Variants in ANP32E observed in about 807,000 individuals in gnomAD.
ANP32E encodes acidic nuclear phosphoprotein 32 family member E, also known as acidic leucine-rich nuclear phosphoprotein 32 family member E.
In ANP32E, 14 loss-of-function variants were observed where a neutral mutation model predicts 35.3. The observed-to-expected ratio is 0.40, with a 90% CI of 0.26 to 0.62. ANP32E has a LOEUF of 0.62. Among genes scored for constraint, ANP32E ranks in the 20% least tolerant of loss-of-function variants. ANP32E has a pLI of 0.45. For synonymous variants in ANP32E, 89 were observed against 110.4 expected (o/e 0.81, Z 1.22); for missense variants, 198 against 304.4 (o/e 0.65, Z 2.60).
chr1:150,230,457 A>T, intron 3 of ANP32E, 114 bp downstream of exon 3: 1 of 1,065,402 alleles, frequency 9.4e-7, no homozygotes, highest in South Asian at 2.3e-5. Context: ...CCTAGATCAC[A>T]ACATACAAAA....
At chr1:150,232,722 C>T (rs587747314) in intron 1 of ANP32E, among the ~76,000 whole-genome samples, 71 of 152,166 alleles carry the variant, frequency 4.7e-4, no homozygotes, top group Admixed American at 4.2e-3. Flanking sequence ...ATTCGCCCCC[C>T]TCAGCCTCCC....
At chr1:150,221,533 A>AAGGG (rs1293280396) in intron 6 of ANP32E, among the ~76,000 whole-genome samples, 4 of 33,536 alleles carry the variant, frequency 1.2e-4, no homozygotes, top group Admixed American at 5.7e-4. Flanking sequence ...GAGTGGGAGG[A>AAGGG]AGGGAGGGAG....
At chr1:150,223,155 T>A (rs1553838609) in intron 6 of ANP32E, 31 bp downstream of exon 6, 1 of 1,476,972 alleles carries the variant, frequency 6.8e-7, no homozygotes, top group East Asian at 2.5e-5. Flanking sequence ...GTCTTTAATT[T>A]TATAATTTGT....
chr1:150,234,659 G>A (rs1572036231), intron 1 of ANP32E: 2 of 985,396 alleles, frequency 2.0e-6, no homozygotes, highest in Non-Finnish European at 2.4e-6. Flanking sequence ...CTGCTCTCGC[G>A]ACCTGCCGCT....
chr1:150,222,248 G>A (rs1184604363), intron 6 of ANP32E, among the ~76,000 whole-genome samples: 2 of 150,994 alleles, frequency 1.3e-5, no homozygotes, highest in African/African-American at 2.4e-5. Context: ...GTGAAACCCC[G>A]TCTCTACTAA....
chr1:150,229,750 T>G (rs1200575579), intron 3 of ANP32E, among the ~76,000 whole-genome samples: 1 of 152,238 alleles, frequency 6.6e-6, no homozygotes, highest in Non-Finnish European at 1.5e-5. Flanking sequence ...GGTGCTAGGA[T>G]TACAGGCGTG....
At chr1:150,233,076 C>T (rs1649496371) in intron 1 of ANP32E, among the ~76,000 whole-genome samples, 1 of 151,706 alleles carries the variant, frequency 6.6e-6, no homozygotes, top group African/African-American at 2.4e-5. Context: ...ACAAGCCTGG[C>T]CAACATAGTG....
In ANP32E at chr1:150,220,160, A is replaced by G. The variant is rs1553837106; in HGVS notation, c.*531T>C. Reference sequence around the variant, plus strand: ...ATAGAACCTTTACTATTCTGCTTCTATTTTCCAAGTTACTTGTGACAAAAA... The same window carrying G: ...ATAGAACCTTTACTATTCTGCTTCTGTTTTCCAAGTTACTTGTGACAAAAA... On this transcript the variant is annotated 3_prime_UTR_variant, in exon 7 of 7. Coordinates refer to ENST00000583931, the MANE Select transcript of ANP32E (RefSeq NM_030920.5). 2 of 125,296 alleles carry G rather than the reference A, an allele frequency of 1.6e-5. No individual in the cohort carries two copies. Among genetic ancestry groups the G allele is most frequent in the Non-Finnish European group, 1.6e-5 (1 of 62,666 alleles). The allele number at this position is 125,296 out of a possible 1,614,324, so 7.8% of individuals were successfully genotyped here.
chr1:150,218,543 AT>A lies in ANP32E; in HGVS notation c.*2147del, dbSNP rs1266721718. The A allele has an allele frequency of 2.0e-5, 3 of 152,616 alleles. No homozygotes were observed. The highest frequency in any genetic ancestry group is 7.2e-5 in the African/African-American group (3 of 41,452). The allele number at this position is 152,616 out of a possible 1,614,324, so 9.5% of individuals were successfully genotyped here. ...AAAAGAATAATCAGGAGTACTGCAA[AT>A]TTTTTTGTTTGTTTTTAACACTGTC... On this transcript the variant is annotated 3_prime_UTR_variant, in exon 7 of 7. Transcript: ENST00000583931.
chr1:150,229,298 CT>C (rs368884324), intron 3 of ANP32E, 61 bp from the exon 4 acceptor site: 10,367 of 424,218 alleles, frequency 0.024, 34 homozygotes, highest in African/African-American at 0.071. Context: ...TTTCTTTTTT[CT>C]TTTTTTTTTT....
At chr1:150,232,096 G>A (rs587712058) in intron 1 of ANP32E, among the ~76,000 whole-genome samples, 170 bp from the exon 2 acceptor site, 8 of 152,152 alleles carry the variant, frequency 5.3e-5, no homozygotes, top group African/African-American at 1.9e-4. Flanking sequence ...TGTAATCCCA[G>A]CACTTTCGGA....
chr1:150,221,522 AGAGTGGG>A (rs1648376804), intron 6 of ANP32E, among the ~76,000 whole-genome samples: 28 of 84,026 alleles, frequency 3.3e-4, no homozygotes, highest in Middle Eastern at 5.6e-3. Flanking sequence ...GAAAGGAAGG[AGAGTGGG>A]AGGAAGGGAG....
intron 6 of ANP32E, among the ~76,000 whole-genome samples, chr1:150,222,216 C>T (rs987525065): frequency 1.9e-4 from 29 of 151,486 alleles, no homozygotes; most frequent in Middle Eastern, 3.4e-3. Context: ...GTCAGGAGAT[C>T]GAGAGCAACC....
Position 150,220,665 on chromosome 1 carries a change from A to C in ANP32E, c.*26T>G, listed in dbSNP as rs782105871. The stretch of plus-strand genomic sequence containing the variant: ...ATCACTCTATTGCACACCCAGAAAC[A>C]TTAGAGAATCTGGTCTTAGAATGAT... On this transcript the variant is annotated 3_prime_UTR_variant, in exon 7 of 7. Coordinates refer to ENST00000583931, the MANE Select transcript of ANP32E (RefSeq NM_030920.5). The C allele has an allele frequency of 6.2e-7, 1 of 1,604,874 alleles. No individual in the cohort carries two copies. The highest frequency in any genetic ancestry group is 1.1e-5 in the South Asian group (1 of 90,884).
chr1:150,229,281 CATGTT>C (rs782212690), intron 3 of ANP32E, 44 bp from the exon 4 acceptor site: 1 of 966,344 alleles, frequency 1.0e-6, no homozygotes, highest in Admixed American at 3.0e-5. Flanking sequence ...TTTAAAATAC[CATGTT>C]ATTTCTTTTT....
rs1270340544 is a variant in ANP32E at position 150,235,701 on chromosome 1, A to T, written c.54+32T>A. 3 of 1,613,126 alleles carry T rather than the reference A, an allele frequency of 1.9e-6. No individual in the cohort carries two copies. The African/African-American group carries it at 4.0e-5, about 22-fold the overall frequency. On this transcript the variant is annotated intron_variant, in intron 1 of 6. Transcript: ENST00000583931. This position sits in a 1 kb window ranked among gnomAD's most constrained non-coding sequence, Gnocchi z 4.2. ...ATCCGATCCTCAGAATACTGGACTGATGGGGAAGCGGTGGGGGCTGAGTCA... is the reference window on the plus strand; with the variant it reads ...ATCCGATCCTCAGAATACTGGACTGTTGGGGAAGCGGTGGGGGCTGAGTCA...
Position 150,220,588 on chromosome 1 carries a change from A to G in ANP32E, c.*103T>C, listed in dbSNP as rs1482942988. The G allele has an allele frequency of 9.3e-7, 1 of 1,075,648 alleles. No homozygotes were observed. The highest frequency in any genetic ancestry group is 2.5e-5 in the East Asian group (1 of 40,504). 66.6% of individuals were successfully genotyped at this position (1,075,648 alleles called of 1,614,324 possible). On this transcript the variant is annotated 3_prime_UTR_variant, in exon 7 of 7. Transcript: ENST00000583931. ...AACCACACTTTTCCTATAAAAAGTT[A>G]CACATTATCTTCTGTAGGGATAGCT... is the stretch of plus-strand genomic sequence containing the variant.
At chr1:150,233,312 A>C (rs1212368529) in intron 1 of ANP32E, among the ~76,000 whole-genome samples, 1 of 151,288 alleles carries the variant, frequency 6.6e-6, no homozygotes, top group Non-Finnish European at 1.5e-5. Flanking sequence ...GAAACTGTTT[A>C]ATCACTTTTT....
chr1:150,224,370 C>T (rs1648701478), intron 5 of ANP32E, among the ~76,000 whole-genome samples: 1 of 151,940 alleles, frequency 6.6e-6, no homozygotes, highest in South Asian at 2.1e-4. Context: ...GTCAGGAGTT[C>T]AAGACCAGCC....
Sources: allele counts gnomAD v4.1 joint callset (sites outside exome capture counted in the v4.1 genomes callset), GRCh38; gene constraint gnomAD v4.1.1; non-coding constraint Gnocchi (gnomAD v3.1); transcripts MANE v1.5; gene names NCBI Gene and HGNC (gene_info 2026-07-23, HGNC 2026-07-21).